PKNOX1: variants seen among roughly 807,000 people sequenced by gnomAD.
The protein encoded by PKNOX1 is homeobox protein PKNOX1.
PKNOX1 carries 15 observed loss-of-function variants against 51.9 expected under a neutral mutation model. The observed-to-expected ratio is 0.29, with a 90% CI of 0.19 to 0.45. PKNOX1 has a LOEUF of 0.45. Ranked by LOEUF, PKNOX1 falls within the 20% of genes least tolerant of loss-of-function variation. PKNOX1 has a pLI of 1.00. For missense variants in PKNOX1, 462 were observed against 547.5 expected (o/e 0.84, Z 1.56); for synonymous variants, 219 against 211.1 (o/e 1.04, Z -0.32).
chr21:43,010,310 C>A, intron 4 of PKNOX1, 86 bp downstream of exon 4: 3 of 694,602 alleles, frequency 4.3e-6, no homozygotes, highest in Non-Finnish European at 6.9e-6. Flanking sequence ...CTTTAGACTG[C>A]TTGTAGTTCT....
chr21:43,000,360 G>A lies in PKNOX1; in HGVS notation c.-56-3966G>A, dbSNP rs147707604. On this transcript the variant is annotated intron_variant, in intron 1 of 10. Coordinates refer to ENST00000291547, the MANE Select transcript of PKNOX1 (RefSeq NM_004571.5). ...TTTAATGGAGTTACAGTTCCACATG[G>A]CTGGGGAAGCCTCACAATCATGGCG... 2.8e-3 allele frequency among the ~76,000 whole-genome samples: 426 copies of A among 152,314 alleles called. 1 individual carries two copies. Among genetic ancestry groups the A allele is most frequent in the African/African-American group, 9.7e-3 (404 of 41,574 alleles).
intron 2 of PKNOX1, among the ~76,000 whole-genome samples, chr21:43,004,945 C>T (rs1416669726): frequency 2.0e-5 from 3 of 152,208 alleles, no homozygotes; most frequent in Non-Finnish European, 4.4e-5. Context: ...CTCCATTGCC[C>T]TCCCACCATA....
At chr21:43,000,434 A>T (rs1424660370) in intron 1 of PKNOX1, among the ~76,000 whole-genome samples, 2 of 152,230 alleles carry the variant, frequency 1.3e-5, no homozygotes, top group African/African-American at 4.8e-5. Context: ...CAGCAGGCAA[A>T]GAGAGGAGAG....
rs188869117 is a variant in PKNOX1, at chr21:43,025,723, T to A, written c.926+776T>A. On this transcript the variant is annotated intron_variant, in intron 9 of 10. Transcript: ENST00000291547. ...GGAAACAGTTTCAGCTTAATAAAAC[T>A]GGCATGCATAAAAGAAGAAAGCACA... Among the ~76,000 whole-genome samples, 286 of 152,358 alleles carry A rather than the reference T, an allele frequency of 1.9e-3. 3 individuals carry two copies. The highest frequency in any genetic ancestry group is 6.5e-3 in the African/African-American group (269 of 41,576).
At chr21:43,012,424 G>A (rs1979295288) in intron 4 of PKNOX1, among the ~76,000 whole-genome samples, 1 of 152,152 alleles carries the variant, frequency 6.6e-6, no homozygotes, top group African/African-American at 2.4e-5. Context: ...GCTGGGCATG[G>A]TGGTGCACAC....
chr21:42,980,400 G>A lies in PKNOX1; in HGVS notation c.-57+5736G>A, dbSNP rs538056521. Among the ~76,000 whole-genome samples, 7 of 152,094 alleles carry A rather than the reference G, an allele frequency of 4.6e-5. 1 individual carries two copies. The highest frequency in any genetic ancestry group is 1.7e-4 in the African/African-American group (7 of 41,478). The stretch of plus-strand genomic sequence containing the variant: ...AAAAAGAGAAAAAAAAATACTACTT[G>A]TAAATAGCAGAAATAGAAAGGTGCT... On this transcript the variant is annotated intron_variant, in intron 1 of 10. Transcript: ENST00000291547.
At chr21:43,006,347 A>AC (rs1978986927) in intron 2 of PKNOX1, among the ~76,000 whole-genome samples, 1 of 152,054 alleles carries the variant, frequency 6.6e-6, no homozygotes, top group African/African-American at 2.4e-5. Context: ...GCTGATCTTG[A>AC]ACCCCTGACC....
intron 1 of PKNOX1, among the ~76,000 whole-genome samples, chr21:42,990,674 A>G (rs1601276564): frequency 6.6e-6 from 1 of 152,328 alleles, no homozygotes; most frequent in South Asian, 2.1e-4. Context: ...AAGGCACACA[A>G]ATTTATGTAA....
At chr21:42,982,647 C>G (rs982053545) in intron 1 of PKNOX1, among the ~76,000 whole-genome samples, 1 of 148,170 alleles carries the variant, frequency 6.7e-6, no homozygotes. Flanking sequence ...AGGAGAATCA[C>G]TTGAACCCAG....
intron 1 of PKNOX1, among the ~76,000 whole-genome samples, chr21:42,998,017 T>C (rs549100351): frequency 1.3e-5 from 2 of 152,314 alleles, no homozygotes; most frequent in African/African-American, 4.8e-5. Context: ...AGAATGGGTC[T>C]ACTCAGGTAG....
In PKNOX1 at chr21:43,013,092, C is replaced by T. The variant is rs754833123; in HGVS notation, c.376C>T (p.Arg126Cys). Reference protein sequence around the residue: ...NLMVKAIQVLRIHLLELEKVN... With the variant: ...NLMVKAIQVLCIHLLELEKVN... Reference sequence around the variant, plus strand: ...GATGGTAAAAGCAATCCAGGTTTTGCGCATTCATCTTCTTGAGCTGGAAAA... The same window carrying T: ...GATGGTAAAAGCAATCCAGGTTTTGTGCATTCATCTTCTTGAGCTGGAAAA... Residue 126 changes from arginine (R) to cysteine (C), a missense_variant, in exon 5 of 11, where the codon CGC becomes TGC. Arg to Cys is a radical substitution (Grantham distance 180). This residue lies in a region of PKNOX1 where 14 missense variants were observed against 39.3 expected (regional missense o/e 0.36). Coordinates refer to ENST00000291547, the MANE Select transcript of PKNOX1 (RefSeq NM_004571.5). 10 of 1,610,384 alleles carry T rather than the reference C, an allele frequency of 6.2e-6. No individual in the cohort carries two copies. The Middle Eastern group carries it at 6.6e-4, about 106-fold the overall frequency.
rs533039318 is a variant in PKNOX1, at chr21:42,985,930, G to A, written c.-57+11266G>A. On this transcript the variant is annotated intron_variant, in intron 1 of 10. Transcript: ENST00000291547. ...GCAGGAGAATTGCTTGAACCTGGGAGGTGGAGATTGCAGTGAGCTGAAATC... is the reference window on the plus strand; with the variant it reads ...GCAGGAGAATTGCTTGAACCTGGGAAGTGGAGATTGCAGTGAGCTGAAATC... Among the ~76,000 whole-genome samples, 581 of 151,272 alleles carry A rather than the reference G, an allele frequency of 3.8e-3. 3 individuals carry two copies. The highest frequency in any genetic ancestry group is 0.013 in the African/African-American group (554 of 41,160).
intron 1 of PKNOX1, among the ~76,000 whole-genome samples, chr21:42,987,729 C>G (rs1483327141): frequency 6.6e-6 from 1 of 151,088 alleles, no homozygotes; most frequent in Non-Finnish European, 1.5e-5. Flanking sequence ...CGCCATTCTC[C>G]TGCCTCAGCC....
intron 1 of PKNOX1, among the ~76,000 whole-genome samples, chr21:43,000,808 A>C (rs988312691): frequency 6.6e-6 from 1 of 152,172 alleles, no homozygotes; most frequent in African/African-American, 2.4e-5. Context: ...TCTTGAGTTC[A>C]GGAAGTCGGG....
At chr21:43,022,455 A>C (rs1454375953) in intron 8 of PKNOX1, among the ~76,000 whole-genome samples, 1 of 152,026 alleles carries the variant, frequency 6.6e-6, no homozygotes, top group Non-Finnish European at 1.5e-5. Flanking sequence ...AGGGCTTGAA[A>C]CTGGTGGGTA....
chr21:42,981,277 G>T (rs1342893534), intron 1 of PKNOX1, among the ~76,000 whole-genome samples: 1 of 152,250 alleles, frequency 6.6e-6, no homozygotes, highest in Non-Finnish European at 1.5e-5. Flanking sequence ...CAGCAGGCCT[G>T]GTGCTGGCGG....
chr21:42,979,311 C>T (rs1215114414), intron 1 of PKNOX1, among the ~76,000 whole-genome samples: 1 of 151,930 alleles, frequency 6.6e-6, no homozygotes, highest in Admixed American at 6.5e-5. Flanking sequence ...GTAACACAGA[C>T]ACAAAGTGAG....
At position 43,011,158 on chromosome 21, in the gene PKNOX1, C is replaced by T. The variant is rs1300220557; in HGVS notation, c.351+934C>T. Among the ~76,000 whole-genome samples the T allele has an allele frequency of 2.6e-5, 4 of 151,546 alleles. No homozygotes were observed. In the East Asian group the frequency reaches 7.9e-4, roughly 30 times the overall value. ...TCTCAGCTCACTGCAAGCTCCGCCT[C>T]CCAGGTTCAAGCCATTCTCCTGCCT... On this transcript the variant is annotated intron_variant, in intron 4 of 10. Coordinates refer to ENST00000291547, the MANE Select transcript of PKNOX1 (RefSeq NM_004571.5).
chr21:43,033,111 C>G lies in PKNOX1; in HGVS notation c.*3010C>G, dbSNP rs540149215. Reference sequence around the variant, plus strand: ...TGAGCATGTTGCTGTTATTCCTGCCCTGCACCTGTGGAGCAGGAGTGGCAG... The same window carrying G: ...TGAGCATGTTGCTGTTATTCCTGCCGTGCACCTGTGGAGCAGGAGTGGCAG... On this transcript the variant is annotated 3_prime_UTR_variant, in exon 11 of 11. Coordinates refer to ENST00000291547, the MANE Select transcript of PKNOX1 (RefSeq NM_004571.5). 6.6e-6 allele frequency: 1 copy of G among 152,330 alleles called. No individual in the cohort carries two copies. The highest frequency in any genetic ancestry group is 6.5e-5 in the Admixed American group (1 of 15,298). 9.4% of individuals were successfully genotyped at this position (152,330 alleles called of 1,614,324 possible). A position where few individuals can be genotyped will look rare whatever the true frequency, so the allele number is the denominator to read the frequency against.
Sources: allele counts gnomAD v4.1 joint callset (sites outside exome capture counted in the v4.1 genomes callset), GRCh38; gene constraint gnomAD v4.1.1; regional missense constraint gnomAD v4.1.1; transcripts MANE v1.5; gene names NCBI Gene and HGNC (gene_info 2026-07-23, HGNC 2026-07-21).